SLC38A1: variants seen among roughly 807,000 people sequenced by gnomAD.
The protein encoded by SLC38A1 is solute carrier family 38 member 1, also known as sodium-coupled neutral amino acid symporter 1.
A neutral mutation model predicts 60.3 loss-of-function variants in SLC38A1; 18 were observed. The observed-to-expected ratio is 0.30, with a 90% CI of 0.21 to 0.44. SLC38A1 has a LOEUF of 0.44. Ranked by LOEUF, SLC38A1 falls within the 20% of genes least tolerant of loss-of-function variation. SLC38A1 has a pLI of 1.00. For missense variants in SLC38A1, 448 were observed against 587.2 expected (o/e 0.76, Z 2.45); for synonymous variants, 196 against 212.1 (o/e 0.92, Z 0.66).
intron 16 of SLC38A1, 33 bp from the exon 17 acceptor site, chr12:46,189,104 G>A: frequency 6.3e-7 from 1 of 1,586,320 alleles, no homozygotes; most frequent in Middle Eastern, 1.7e-4. Context: ...GTTATTTTCA[G>A]TGCAGCAAAA....
intron 1 of SLC38A1, among the ~76,000 whole-genome samples, chr12:46,249,155 C>CAA (rs59948188): frequency 0.015 from 685 of 46,478 alleles, 20 homozygotes; most frequent in East Asian, 0.067. Context: ...GACTCCGCCT[C>CAA]AAAAAAAAAA....
chr12:46,248,073 G>A (rs1255935407), intron 1 of SLC38A1, among the ~76,000 whole-genome samples: 3 of 152,216 alleles, frequency 2.0e-5, no homozygotes, highest in Non-Finnish European at 2.9e-5. Flanking sequence ...ACCAGCCACT[G>A]CAAAAACATG....
At chr12:46,197,024 A>G (rs889906016) in intron 16 of SLC38A1, among the ~76,000 whole-genome samples, 1 of 152,268 alleles carries the variant, frequency 6.6e-6, no homozygotes, top group Admixed American at 6.5e-5. Flanking sequence ...GGGAGGAGTT[A>G]CATGACTAGA....
chr12:46,255,899 C>T (rs1942003486), intron 1 of SLC38A1, among the ~76,000 whole-genome samples: 1 of 152,122 alleles, frequency 6.6e-6, no homozygotes, highest in Non-Finnish European at 1.5e-5. Flanking sequence ...TGTGGTGGCT[C>T]AAGCCTGTAA....
chr12:46,210,080 C>T (rs1592089125), intron 5 of SLC38A1, among the ~76,000 whole-genome samples: 2 of 152,168 alleles, frequency 1.3e-5, no homozygotes, highest in Non-Finnish European at 1.5e-5. Flanking sequence ...TGTTGAGAGG[C>T]ACTTGGCACA....
At chr12:46,191,852 T>A (rs2136860694) in intron 16 of SLC38A1, among the ~76,000 whole-genome samples, 1 of 152,350 alleles carries the variant, frequency 6.6e-6, no homozygotes, top group South Asian at 2.1e-4. Context: ...GTTTTCTAAA[T>A]ATACAATCAG....
In SLC38A1 at chr12:46,183,282, G is replaced by A. The variant is rs1468060860; in HGVS notation, c.*5688C>T. ...TTTACATTAATAAAACAGTAGTGTG[G>A]TACATGTATTGGACTCAGATGAAGT... On this transcript the variant is annotated 3_prime_UTR_variant, in exon 17 of 17. Coordinates refer to ENST00000398637, the MANE Select transcript of SLC38A1 (RefSeq NM_030674.4). 2 of 152,092 alleles carry A rather than the reference G, an allele frequency of 1.3e-5. No homozygotes were observed. Among genetic ancestry groups the A allele is most frequent in the Non-Finnish European group, 2.9e-5 (2 of 68,016 alleles). 9.4% of individuals were successfully genotyped at this position (152,092 alleles called of 1,614,324 possible).
At chr12:46,244,696 C>A (rs1288892881) in intron 1 of SLC38A1, among the ~76,000 whole-genome samples, 2 of 152,194 alleles carry the variant, frequency 1.3e-5, no homozygotes. Context: ...TAGCATTTAA[C>A]CTTAGCAAGC....
At chr12:46,246,263 C>G (rs1039042041) in intron 1 of SLC38A1, among the ~76,000 whole-genome samples, 3 of 152,186 alleles carry the variant, frequency 2.0e-5, no homozygotes, top group African/African-American at 7.2e-5. Flanking sequence ...CAAGGGAAGC[C>G]GTGACAGACT....
At chr12:46,249,334 C>A (rs1941750535) in intron 1 of SLC38A1, among the ~76,000 whole-genome samples, 1 of 151,986 alleles carries the variant, frequency 6.6e-6, no homozygotes, top group African/African-American at 2.4e-5. Context: ...ACATTTAAAC[C>A]AGTGTGTAGA....
At chr12:46,210,078 G>A (rs1417521224) in intron 5 of SLC38A1, among the ~76,000 whole-genome samples, 6 of 152,158 alleles carry the variant, frequency 3.9e-5, no homozygotes, top group African/African-American at 9.7e-5. Context: ...GCTGTTGAGA[G>A]GCACTTGGCA....
chr12:46,194,392 G>C (rs1939276879), intron 16 of SLC38A1, among the ~76,000 whole-genome samples: 1 of 152,172 alleles, frequency 6.6e-6, no homozygotes, highest in South Asian at 2.1e-4. Context: ...CAACCTTGGT[G>C]AATCTGACAA....
intron 5 of SLC38A1, among the ~76,000 whole-genome samples, chr12:46,215,784 T>C (rs186046783): frequency 3.1e-3 from 469 of 152,326 alleles, no homozygotes; most frequent in South Asian, 0.012. Context: ...CTCTTCTAGA[T>C]CCAGTTAGAA....
At chr12:46,240,848 C>A (rs769559997) in intron 2 of SLC38A1, among the ~76,000 whole-genome samples, 1 of 152,136 alleles carries the variant, frequency 6.6e-6, no homozygotes, top group African/African-American at 2.4e-5. Context: ...AAATGAAAAA[C>A]CTCCAGAGTT....
At chr12:46,234,732 C>T (rs931606175) in intron 3 of SLC38A1, among the ~76,000 whole-genome samples, 1 of 152,174 alleles carries the variant, frequency 6.6e-6, no homozygotes, top group Non-Finnish European at 1.5e-5. Flanking sequence ...TATTTCTATA[C>T]ATTTAAAAAA....
At chr12:46,260,243 T>C (rs775998347) in intron 1 of SLC38A1, among the ~76,000 whole-genome samples, 1 of 152,230 alleles carries the variant, frequency 6.6e-6, no homozygotes, top group Non-Finnish European at 1.5e-5. Context: ...ACTTTCTGTG[T>C]AGAAGTAGCT....
intron 1 of SLC38A1, among the ~76,000 whole-genome samples, chr12:46,249,560 A>G (rs1941758779): frequency 6.6e-6 from 1 of 152,218 alleles, no homozygotes; most frequent in Non-Finnish European, 1.5e-5. Flanking sequence ...TGGTTTTTTG[A>G]AAAGATCATC....
At position 46,187,299 on chromosome 12, in the gene SLC38A1, T is replaced by C. The variant is rs528315496; in HGVS notation, c.*1671A>G. ...GTGCCTGGAAACTCTGCCAACAGTC[T>C]GCGGTTAGATTCTACTTGTCTCTGG... On this transcript the variant is annotated 3_prime_UTR_variant, in exon 17 of 17. Coordinates refer to ENST00000398637, the MANE Select transcript of SLC38A1 (RefSeq NM_030674.4). 2 of 152,342 alleles carry C rather than the reference T, an allele frequency of 1.3e-5. No homozygotes were observed. Among genetic ancestry groups the C allele is most frequent in the African/African-American group, 4.8e-5 (2 of 41,576 alleles). The allele number at this position is 152,342 out of a possible 1,614,324, so 9.4% of individuals were successfully genotyped here. A position where few individuals can be genotyped will look rare whatever the true frequency, so the allele number is the denominator to read the frequency against.
intron 5 of SLC38A1, among the ~76,000 whole-genome samples, chr12:46,219,002 G>A (rs1439810989): frequency 2.6e-5 from 4 of 152,196 alleles, no homozygotes; most frequent in Non-Finnish European, 5.9e-5. Context: ...TTACCCCGAG[G>A]AGCAATTTGG....
Sources: allele counts gnomAD v4.1 joint callset (sites outside exome capture counted in the v4.1 genomes callset), GRCh38; gene constraint gnomAD v4.1.1; transcripts MANE v1.5; gene names NCBI Gene and HGNC (gene_info 2026-07-23, HGNC 2026-07-21).